Variants in TRIM26 observed in about 807,000 individuals in gnomAD.
TRIM26 encodes tripartite motif-containing protein 26.
A neutral mutation model predicts 45.5 loss-of-function variants in TRIM26; 16 were observed. The ratio of observed to expected loss-of-function variants is 0.35; its 90% confidence interval spans 0.24 to 0.53. TRIM26 has a LOEUF of 0.53. Among genes scored for constraint, TRIM26 ranks in the 20% least tolerant of loss-of-function variants. The probability of loss-of-function intolerance (pLI) is 0.92; values close to 1 mark genes in which losing one functional copy is unlikely to be tolerated. For missense variants in TRIM26, 442 were observed against 691.1 expected, an observed-to-expected ratio of 0.64 and a Z score of 4.04; for synonymous variants, 273 against 290.4, an observed-to-expected ratio of 0.94 and a Z score of 0.61.
intron 2 of TRIM26, among the ~76,000 whole-genome samples, chr6:30,204,365 C>T (rs970627180): frequency 2.0e-5 from 3 of 152,184 alleles, no homozygotes; most frequent in Non-Finnish European, 1.5e-5. Flanking sequence ...GCTTTGTAAG[C>T]GGAGTAATGC....
In TRIM26 at chr6:30,186,574, A is replaced by G. The variant is rs61285697; in HGVS notation, c.938-16T>C. 0.23 allele frequency: 214,212 copies of G among 930,754 alleles called. 4,527 individuals carry two copies. The highest frequency in any genetic ancestry group is 0.36 in the East Asian group (11,967 of 33,614). The allele number at this position is 930,754 out of a possible 1,614,324, so 57.7% of individuals were successfully genotyped here. A position where few individuals can be genotyped will look rare whatever the true frequency, so the allele number is the denominator to read the frequency against. ...GTGACGCTCACTGTGGGGACAAGGGAAAAAAAAAAAAACAGCATCACTGTT... is the reference window on the plus strand; with the variant it reads ...GTGACGCTCACTGTGGGGACAAGGGGAAAAAAAAAAAACAGCATCACTGTT... On this transcript the variant is annotated splice_polypyrimidine_tract_variant and intron_variant, in intron 9 of 9. Transcript: ENST00000454678. This position sits in a 1 kb window ranked among gnomAD's most constrained non-coding sequence, Gnocchi z 7.4.
At position 30,186,118 on chromosome 6, in the gene TRIM26, CGCCATCCTCTG is replaced by C; in HGVS notation, c.1367_1377del (p.Pro456ArgfsTer20). On this transcript the variant is annotated frameshift_variant, in exon 10 of 10. Coordinates refer to ENST00000454678, the MANE Select transcript of TRIM26 (RefSeq NM_003449.5). LOFTEE classifies it high-confidence loss of function. This position sits in a 1 kb window ranked among gnomAD's most constrained non-coding sequence, Gnocchi z 7.4. ...GAGGAGGAGAGGCGCAGCGCCCACA[CGCCATCCTCTG>C]GCCGCAGGGAGAGGTCTCCCTTCCT... The C allele has an allele frequency of 6.3e-7, 1 of 1,589,814 alleles. No individual in the cohort carries two copies. Among genetic ancestry groups the C allele is most frequent in the Non-Finnish European group, 8.6e-7 (1 of 1,167,894 alleles).
Position 30,185,966 on chromosome 6 carries a change from G to A in TRIM26, c.1530C>T (p.Leu510=). 6.2e-7 allele frequency: 1 copy of A among 1,612,616 alleles called. No homozygotes were observed. The highest frequency in any genetic ancestry group is 1.1e-5 in the South Asian group (1 of 91,044). Residue 510 remains leucine, a synonymous_variant, in exon 10 of 10, where the codon CTC becomes CTT. Transcript: ENST00000454678. The surrounding 1 kb of genome is among the most constrained non-coding windows in gnomAD (Gnocchi z 5.7). ...TGAAGGTGGCAGTGAAGGTGTAGAT[G>A]AGTTCCTGTGACTCTGCGTTGGTGA... ...VTFTNAESQE[L]IYTFTATFTR... is the part of the protein sequence containing the mutation.
chr6:30,188,895 A>T (rs1181485325), intron 9 of TRIM26, among the ~76,000 whole-genome samples: 1 of 152,120 alleles, frequency 6.6e-6, no homozygotes, highest in Non-Finnish European at 1.5e-5. Flanking sequence ...GGCCACAGGA[A>T]AAGGACTGGT....
chr6:30,186,320 T>C lies in TRIM26; in HGVS notation c.1176A>G (p.Gly392=), dbSNP rs772695506. ...CCTCCTCTTCCTCCTCCTCCTCTTC[T>C]CCCTCTTCCTCCTCATCCCCCTCTT... The part of the protein sequence containing the change: ...DEEEGDEEEE[G]EEEEEEEEAG... The change falls in exon 10 of 10, where the codon GGA becomes GGG. Residue 392 remains glycine, a synonymous_variant. Transcript: ENST00000454678. This position sits in a 1 kb window ranked among gnomAD's most constrained non-coding sequence, Gnocchi z 7.4. 1.9e-6 allele frequency: 3 copies of C among 1,610,584 alleles called. No homozygotes were observed. The East Asian group carries it at 6.7e-5, about 36-fold the overall frequency.
chr6:30,199,626 C>T (rs1581696837), intron 3 of TRIM26, among the ~76,000 whole-genome samples: 3 of 144,800 alleles, frequency 2.1e-5, no homozygotes, highest in African/African-American at 5.1e-5. Context: ...AGAGACCGCC[C>T]GTTTTTTTTT....
In TRIM26 at chr6:30,196,615, C is replaced by T; in HGVS notation, c.666G>A (p.Glu222=). ...CCCCGACGCCCCGGCTCTTGAACTTCTCCCTGCCCTCCGTGAGCTCCTGCT... is the reference window on the plus strand; with the variant it reads ...CCCCGACGCCCCGGCTCTTGAACTTTTCCCTGCCCTCCGTGAGCTCCTGCT... ...KLEQELTEGR[E]KFKSRGVGEL... is the part of the protein sequence containing the mutation. The change falls in exon 6 of 10, where the codon GAG becomes GAA. Residue 222 remains glutamate (E), a synonymous_variant. Coordinates refer to ENST00000454678, the MANE Select transcript of TRIM26 (RefSeq NM_003449.5). This position sits in a 1 kb window ranked among gnomAD's most constrained non-coding sequence, Gnocchi z 4.9. 1.2e-6 allele frequency: 2 copies of T among 1,614,048 alleles called. No homozygotes were observed. The highest frequency in any genetic ancestry group is 1.7e-6 in the Non-Finnish European group (2 of 1,180,046).
At chr6:30,187,991 G>A (rs1455438931) in intron 9 of TRIM26, among the ~76,000 whole-genome samples, 4 of 145,236 alleles carry the variant, frequency 2.8e-5, no homozygotes, top group East Asian at 2.0e-4. Context: ...AGGCCGAGGC[G>A]GGTGGATCAC....
At chr6:30,203,624 C>G (rs991017948) in intron 2 of TRIM26, among the ~76,000 whole-genome samples, 29 of 151,938 alleles carry the variant, frequency 1.9e-4, no homozygotes, top group Non-Finnish European at 1.6e-4. Context: ...ACCAGGTTGG[C>G]CAGGCTGGTC....
intron 6 of TRIM26, among the ~76,000 whole-genome samples, chr6:30,193,152 GTGTGTGTGTGTA>G (rs1776074377): frequency 2.4e-4 from 12 of 50,610 alleles, no homozygotes; most frequent in African/African-American, 1.3e-3. Flanking sequence ...GTGTGTGTGT[GTGTGTGTGTGTA>G]TATATATATA....
chr6:30,193,184 T>TATATATATATA (rs1377622743), intron 6 of TRIM26, among the ~76,000 whole-genome samples: 1 of 34,866 alleles, frequency 2.9e-5, no homozygotes, highest in Non-Finnish European at 5.0e-5. Context: ...ATATATATAT[T>TATATATATATA]TTTTTTTTTT....
intron 6 of TRIM26, among the ~76,000 whole-genome samples, chr6:30,192,290 A>G (rs974261542): frequency 1.3e-5 from 2 of 152,356 alleles, no homozygotes; most frequent in South Asian, 2.1e-4. Context: ...GAGAGCATCA[A>G]GAAAGTTCTT....
chr6:30,212,553 TAAAC>T (rs1245699443), intron 1 of TRIM26, among the ~76,000 whole-genome samples: 1 of 152,204 alleles, frequency 6.6e-6, no homozygotes, highest in African/African-American at 2.4e-5. Context: ...AAAGTCTACT[TAAAC>T]AATAAAATTG....
In TRIM26 at chr6:30,185,544, G is replaced by C. The variant is rs1489645646; in HGVS notation, c.*332C>G. On this transcript the variant is annotated 3_prime_UTR_variant, in exon 10 of 10. Coordinates refer to ENST00000454678, the MANE Select transcript of TRIM26 (RefSeq NM_003449.5). The surrounding 1 kb of genome is among the most constrained non-coding windows in gnomAD (Gnocchi z 5.7). Reference sequence around the variant, plus strand: ...TCTGAGGTCTTGCCACACTGGGCAAGAAAATGCTGCATCGGGCCCTTATTC... The same window carrying C: ...TCTGAGGTCTTGCCACACTGGGCAACAAAATGCTGCATCGGGCCCTTATTC... 1 of 363,488 alleles carries C rather than the reference G, an allele frequency of 2.8e-6. No homozygotes were observed. Among genetic ancestry groups the C allele is most frequent in the Non-Finnish European group, 4.9e-6 (1 of 203,178 alleles). 22.5% of individuals were successfully genotyped at this position (363,488 alleles called of 1,614,324 possible).
chr6:30,207,485 C>T lies in TRIM26; in HGVS notation c.-375-2720G>A, dbSNP rs1412551039. On this transcript the variant is annotated intron_variant, in intron 1 of 9. Transcript: ENST00000454678. This position sits in a 1 kb window ranked among gnomAD's most constrained non-coding sequence, Gnocchi z 4.9. The stretch of plus-strand genomic sequence containing the variant: ...TCCTCTCCCCTTTGCTGCCCCAGTG[C>T]TGCAGCCACTCTGGCCTTTTGATCC... 6.6e-6 allele frequency among the ~76,000 whole-genome samples: 1 copy of T among 152,208 alleles called. No homozygotes were observed. The highest frequency in any genetic ancestry group is 1.5e-5 in the Non-Finnish European group (1 of 68,038).
In TRIM26 at chr6:30,199,142, G is replaced by C. The variant is rs368865509; in HGVS notation, c.-39C>G. 1 of 1,516,244 alleles carries C rather than the reference G, an allele frequency of 6.6e-7. No individual in the cohort carries two copies. Among genetic ancestry groups the C allele is most frequent in the South Asian group, 1.3e-5 (1 of 75,934 alleles). 93.9% of individuals were successfully genotyped at this position (1,516,244 alleles called of 1,614,324 possible). A position where few individuals can be genotyped will look rare whatever the true frequency, so the allele number is the denominator to read the frequency against. On this transcript the variant is annotated 5_prime_UTR_variant, in exon 4 of 10. Transcript: ENST00000454678. ...CAGAGAGGTCTCCGTTCACTGGTGA[G>C]GACTTCTTCTCCTTGGAGACGCGAC...
At position 30,197,749 on chromosome 6, in the gene TRIM26, A is replaced by G. The variant is rs189116559; in HGVS notation, c.534+680T>C. Among the ~76,000 whole-genome samples the G allele has an allele frequency of 7.2e-3, 1,090 of 152,380 alleles. 41 individuals are homozygous for G. In the South Asian group the frequency reaches 0.12, roughly 17 times the overall value. On this transcript the variant is annotated intron_variant, in intron 5 of 9. Transcript: ENST00000454678. ...ACTTATAATGCCTAATATAATGTAA[A>G]TGCTATATAAATAGCTGTTACACTG... is the stretch of plus-strand genomic sequence containing the variant.
chr6:30,203,687 G>A (rs749982604), intron 2 of TRIM26, among the ~76,000 whole-genome samples: 1 of 152,172 alleles, frequency 6.6e-6, no homozygotes, highest in Non-Finnish European at 1.5e-5. Context: ...AAAGTGCTGG[G>A]ATTACAGGTG....
At chr6:30,200,426 A>G (rs905429703) in intron 3 of TRIM26, among the ~76,000 whole-genome samples, 5 of 152,156 alleles carry the variant, frequency 3.3e-5, no homozygotes, top group Admixed American at 6.5e-5. Context: ...GGGCTGTTCT[A>G]TAGTTTGGGT....
Sources: allele counts gnomAD v4.1 joint callset (sites outside exome capture counted in the v4.1 genomes callset), GRCh38; gene constraint gnomAD v4.1.1; non-coding constraint Gnocchi (gnomAD v3.1); transcripts MANE v1.5; gene names NCBI Gene and HGNC (gene_info 2026-07-23, HGNC 2026-07-21).